The following NTNG2 variants were observed in gnomAD, a reference collection of about 807,000 sequenced individuals.
NTNG2 encodes netrin G2.
In NTNG2, 15 loss-of-function variants were observed where a neutral mutation model predicts 47.6. The observed-to-expected ratio is 0.32, with a 90% CI of 0.21 to 0.49. NTNG2 has a LOEUF of 0.49. Among genes scored for constraint, NTNG2 ranks in the 20% least tolerant of loss-of-function variants. The probability of loss-of-function intolerance (pLI) is 0.99; values close to 1 mark genes in which losing one functional copy is unlikely to be tolerated. For synonymous variants in NTNG2, 307 were observed against 324.6 expected, an observed-to-expected ratio of 0.95 and a Z score of 0.58; for missense variants, 578 against 764.6, an observed-to-expected ratio of 0.76 and a Z score of 2.88.
At chr9:132,173,636 G>A (rs1487795792) in intron 2 of NTNG2, among the ~76,000 whole-genome samples, 1 of 152,146 alleles carries the variant, frequency 6.6e-6, no homozygotes, top group African/African-American at 2.4e-5. Flanking sequence ...GGGGCAGGCA[G>A]TGGATGGATG....
intron 3 of NTNG2, among the ~76,000 whole-genome samples, chr9:132,200,262 G>T (rs142321324): frequency 6.6e-6 from 1 of 152,208 alleles, no homozygotes; most frequent in Non-Finnish European, 1.5e-5. Flanking sequence ...TCCGGGCCAG[G>T]AGCCTGGCTT....
At chr9:132,240,835 C>T in intron 6 of NTNG2, 75 bp from the exon 7 acceptor site, 1 of 1,603,684 alleles carries the variant, frequency 6.2e-7, no homozygotes, top group South Asian at 1.1e-5. Flanking sequence ...CCCTGCGAGG[C>T]CGGGAGAGTG....
At chr9:132,201,701 A>C (rs1043515313) in intron 3 of NTNG2, among the ~76,000 whole-genome samples, 8 of 152,228 alleles carry the variant, frequency 5.3e-5, no homozygotes, top group African/African-American at 1.9e-4. Context: ...GCAAACGTTT[A>C]TCGAGCATTT....
chr9:132,230,491 C>T (rs1841116840), intron 4 of NTNG2, 81 bp from the exon 5 acceptor site: 9 of 1,369,656 alleles, frequency 6.6e-6, no homozygotes, highest in Non-Finnish European at 8.2e-6. Flanking sequence ...GCTCCCCTGC[C>T]CTGCTGGCCC....
At chr9:132,214,756 C>T (rs1423277687) in intron 3 of NTNG2, among the ~76,000 whole-genome samples, 4 of 152,088 alleles carry the variant, frequency 2.6e-5, no homozygotes, top group African/African-American at 7.2e-5. Flanking sequence ...CCCAGTTAAA[C>T]CTGAATTTCA....
chr9:132,187,978 C>T (rs1360222967), intron 2 of NTNG2, among the ~76,000 whole-genome samples: 1 of 152,256 alleles, frequency 6.6e-6, no homozygotes, highest in Non-Finnish European at 1.5e-5. Flanking sequence ...GCCAAGGTCA[C>T]ACATGGTGTT....
At chr9:132,176,711 A>C (rs1405550542) in intron 2 of NTNG2, among the ~76,000 whole-genome samples, 1 of 152,190 alleles carries the variant, frequency 6.6e-6, no homozygotes, top group African/African-American at 2.4e-5. Flanking sequence ...TCTACCTAAA[A>C]GTGGAGTTTC....
At chr9:132,211,744 C>A (rs755608895) in intron 3 of NTNG2, among the ~76,000 whole-genome samples, 1 of 152,100 alleles carries the variant, frequency 6.6e-6, no homozygotes, top group African/African-American at 2.4e-5. Context: ...CCAGCCTTGG[C>A]GGCTTGTGAC....
In NTNG2 at chr9:132,198,604, C is replaced by T. The variant is rs535593595; in HGVS notation, c.852C>T (p.Ile284=). 1.9e-5 allele frequency: 30 copies of T among 1,605,844 alleles called. No individual in the cohort carries two copies. In the African/African-American group the frequency reaches 2.5e-4, roughly 14 times the overall value. The change falls in exon 3 of 8, where the codon ATC becomes ATT. Residue 284 remains isoleucine (I), a synonymous_variant. Coordinates refer to ENST00000393229, the MANE Select transcript of NTNG2 (RefSeq NM_032536.4). ...ACGCCATCTCCAACATCGAGGTCAT[C>T]GGCAGGTAAGGCCGGGGGAAGCCCT... ...YFYAISNIEV[I]GRCKCNLHAN...
chr9:132,178,187 C>T lies in NTNG2; in HGVS notation c.213+11143C>T, dbSNP rs1054161324. ...GGGAAAAATCCCAATGGTTACCCTCCCCTTCCCCTCCCCACCCTCATTTTC... is the reference window on the plus strand; with the variant it reads ...GGGAAAAATCCCAATGGTTACCCTCTCCTTCCCCTCCCCACCCTCATTTTC... On this transcript the variant is annotated intron_variant, in intron 2 of 7. Transcript: ENST00000393229. 6.6e-5 allele frequency among the ~76,000 whole-genome samples: 10 copies of T among 152,180 alleles called. No individual in the cohort carries two copies. The East Asian group carries it at 1.9e-3, about 29-fold the overall frequency.
At chr9:132,181,982 G>T (rs988323171) in intron 2 of NTNG2, among the ~76,000 whole-genome samples, 1 of 152,184 alleles carries the variant, frequency 6.6e-6, no homozygotes, top group Non-Finnish European at 1.5e-5. Flanking sequence ...GTGCGTGCGT[G>T]CAGCCATGTG....
intron 2 of NTNG2, among the ~76,000 whole-genome samples, chr9:132,175,597 G>A (rs557713494): frequency 6.6e-6 from 1 of 152,348 alleles, no homozygotes; most frequent in Non-Finnish European, 1.5e-5. Flanking sequence ...GTTCGGCTTT[G>A]GTTTGCAGGA....
rs867441169 is a variant in NTNG2 at position 132,191,717 on chromosome 9, G to A, written c.214-6249G>A. Among the ~76,000 whole-genome samples, 123 of 151,860 alleles carry A rather than the reference G, an allele frequency of 8.1e-4. 1 individual carries two copies. The highest frequency in any genetic ancestry group is 2.9e-3 in the African/African-American group (120 of 41,502). ...TTCCTGAGTAGCTGGGACTACAGGC[G>A]CCCGCCGCTACACCCGGCTAATTTT... On this transcript the variant is annotated intron_variant, in intron 2 of 7. Transcript: ENST00000393229.
chr9:132,230,210 G>T (rs1887626), intron 4 of NTNG2, among the ~76,000 whole-genome samples: 118,432 of 152,168 alleles, frequency 0.78, 46,557 homozygotes, highest in South Asian at 0.91. Flanking sequence ...CTGCACTGGA[G>T]GGCCCAAAAA....
Position 132,215,076 on chromosome 9 carries a change from T to C in NTNG2, c.858-11773T>C, listed in dbSNP as rs1405855126. ...GTTTTTTTTAATTTTTTTGTAGAGA[T>C]TGGGGGGGGGGGTCTCACTTTCTTG... On this transcript the variant is annotated intron_variant, in intron 3 of 7. Transcript: ENST00000393229. The surrounding 1 kb of genome is among the most constrained non-coding windows in gnomAD (Gnocchi z 4.2). 6.5e-5 allele frequency among the ~76,000 whole-genome samples: 5 copies of C among 76,604 alleles called. No homozygotes were observed. The highest frequency in any genetic ancestry group is 1.1e-4 in the Admixed American group (1 of 9,266). 50.3% of individuals were successfully genotyped at this position (76,604 alleles called of 152,430 possible). A position where few individuals can be genotyped will look rare whatever the true frequency, so the allele number is the denominator to read the frequency against.
intron 3 of NTNG2, among the ~76,000 whole-genome samples, chr9:132,206,086 T>G (rs1481369304): frequency 6.6e-6 from 1 of 152,100 alleles, no homozygotes; most frequent in Non-Finnish European, 1.5e-5. Flanking sequence ...GGAGTTTAAG[T>G]GAGACCATCC....
intron 2 of NTNG2, among the ~76,000 whole-genome samples, chr9:132,176,362 G>C (rs1836458747): frequency 6.6e-6 from 1 of 152,010 alleles, no homozygotes; most frequent in South Asian, 2.1e-4. Flanking sequence ...TCCTTCCCCT[G>C]CCCCTGAAAA....
chr9:132,196,550 C>T (rs11793404), intron 2 of NTNG2, among the ~76,000 whole-genome samples: 58,437 of 152,040 alleles, frequency 0.38, 11,620 homozygotes, highest in East Asian at 0.48. Context: ...CAGTATTATA[C>T]GGCATAGCCT....
At chr9:132,225,034 C>T (rs940548084) in intron 3 of NTNG2, among the ~76,000 whole-genome samples, 3 of 151,096 alleles carry the variant, frequency 2.0e-5, no homozygotes, top group South Asian at 2.1e-4. Flanking sequence ...ATTCTCCTGC[C>T]TCAGCCTCCC....
Sources: gnomAD v4.1 joint callset for allele counts (sites outside exome capture counted in the v4.1 genomes callset) on GRCh38, gnomAD v4.1.1 for gene constraint, Gnocchi (gnomAD v3.1) non-coding constraint, MANE v1.5 for transcripts, NCBI Gene and HGNC (gene_info 2026-07-23, HGNC 2026-07-21) for gene names.